BRD4: variants seen among roughly 807,000 people sequenced by gnomAD.
BRD4 encodes bromodomain-containing protein 4.
In BRD4, 16 loss-of-function variants were observed where a neutral mutation model predicts 142.1. That is an observed-to-expected ratio of 0.11 (90% CI 0.08 to 0.17). The LOEUF (loss-of-function observed/expected upper bound fraction) is 0.17, where lower values mean the gene tolerates loss of function less well. Among genes scored for constraint, BRD4 ranks in the 10% least tolerant of loss-of-function variants. The pLI, the probability that BRD4 is intolerant of heterozygous loss-of-function variation, is 1.00. For missense variants in BRD4, 1,424 were observed against 1,810.9 expected (o/e 0.79, Z 3.88); for synonymous variants, 833 against 707.5 (o/e 1.18, Z -2.82).
intron 11 of BRD4, among the ~76,000 whole-genome samples, chr19:15,251,189 C>A (rs954847015): frequency 1.3e-5 from 2 of 152,084 alleles, no homozygotes; most frequent in African/African-American, 4.8e-5. Context: ...CCGTTGCTCC[C>A]TGAACTAGAG....
intron 11 of BRD4, chr19:15,247,487 G>C (rs1012340936): frequency 4.3e-6 from 1 of 233,078 alleles, no homozygotes; most frequent in Non-Finnish European, 8.5e-6. Flanking sequence ...AAGAAGGACA[G>C]GGTCCCTGGA....
At chr19:15,264,173 G>A in intron 6 of BRD4, 1 of 519,504 alleles carries the variant, frequency 1.9e-6, no homozygotes, top group Non-Finnish European at 3.3e-6. Flanking sequence ...CTCAGACTAG[G>A]GGAAGGGGCA....
intron 7 of BRD4, among the ~76,000 whole-genome samples, chr19:15,261,092 C>CTT (rs2047465605): frequency 6.6e-6 from 1 of 152,232 alleles, no homozygotes; most frequent in South Asian, 2.1e-4. Context: ...GCGCCCCTGT[C>CTT]TTCTCAAGAG....
At chr19:15,279,928 C>T (rs371116753) in intron 1 of BRD4, among the ~76,000 whole-genome samples, 29 of 152,170 alleles carry the variant, frequency 1.9e-4, no homozygotes, top group African/African-American at 6.8e-4. Flanking sequence ...GGTAGAAAGA[C>T]GCCAGGGAAG....
chr19:15,238,846 G>A lies in BRD4; in HGVS notation c.3917C>T (p.Ala1306Val), dbSNP rs1472360156. The part of the protein sequence containing the change: ...QQQQQAAAVA[A>V]AATPQAQSSQ... The stretch of plus-strand genomic sequence containing the variant: ...GCTCTGGGCCTGTGGGGTGGCGGCG[G>A]CAGCCACCGCAGCTGCTTGCTGTTG... Residue 1306 changes from alanine (A) to valine (V), a missense_variant, in exon 19 of 20, where the codon GCC becomes GTC. Physicochemically the swap from Ala to Val is moderately conservative, Grantham distance 64 (BLOSUM62 0). Around this residue, in one of 16 missense-constraint regions of BRD4, gnomAD observed 109 missense variants for 117.9 expected, o/e 0.92. Coordinates refer to ENST00000679869, the MANE Select transcript of BRD4 (RefSeq NM_001379291.1). The surrounding 1 kb of genome is among the most constrained non-coding windows in gnomAD (Gnocchi z 7.2). 2 of 1,600,276 alleles carry A rather than the reference G, an allele frequency of 1.2e-6. No individual in the cohort carries two copies. The highest frequency in any genetic ancestry group is 1.7e-6 in the Non-Finnish European group (2 of 1,173,958).
chr19:15,274,048 T>C (rs952072383), intron 1 of BRD4, among the ~76,000 whole-genome samples: 16 of 152,340 alleles, frequency 1.1e-4, no homozygotes, highest in African/African-American at 3.8e-4. Flanking sequence ...AAACGGAGAA[T>C]TTGCTACATA....
chr19:15,302,680 A>G (rs1404641903), intron 1 of BRD4, among the ~76,000 whole-genome samples: 1 of 149,730 alleles, frequency 6.7e-6, no homozygotes, highest in Non-Finnish European at 1.5e-5. Context: ...AAAAAAAAAA[A>G]AAAAAAAAAA....
At chr19:15,328,113 G>C (rs2048125458) in intron 1 of BRD4, among the ~76,000 whole-genome samples, 1 of 152,082 alleles carries the variant, frequency 6.6e-6, no homozygotes, top group African/African-American at 2.4e-5. Flanking sequence ...TTCAATAAAC[G>C]TGGAGGATGA....
intron 1 of BRD4, among the ~76,000 whole-genome samples, chr19:15,284,052 C>G (rs968887693): frequency 6.6e-6 from 1 of 152,124 alleles, no homozygotes; most frequent in Non-Finnish European, 1.5e-5. Context: ...GGTATCAAAG[C>G]CTGGGTATCT....
chr19:15,306,516 C>T (rs2047915303), intron 1 of BRD4, among the ~76,000 whole-genome samples: 1 of 152,106 alleles, frequency 6.6e-6, no homozygotes, highest in Non-Finnish European at 1.5e-5. Flanking sequence ...AGCGATCCTC[C>T]CACCTACGCC....
At chr19:15,310,651 G>A (rs945755245) in intron 1 of BRD4, among the ~76,000 whole-genome samples, 6 of 151,692 alleles carry the variant, frequency 4.0e-5, no homozygotes, top group Admixed American at 2.0e-4. Flanking sequence ...GAGCCACCGC[G>A]CCTGGCCAAT....
chr19:15,324,668 AGT>A (rs2048092676), intron 1 of BRD4, among the ~76,000 whole-genome samples: 1 of 152,254 alleles, frequency 6.6e-6, no homozygotes, highest in Middle Eastern at 3.2e-3. Flanking sequence ...TTGGCCCACC[AGT>A]GCCTTCTGGC....
At chr19:15,301,742 TC>T (rs2047869692) in intron 1 of BRD4, among the ~76,000 whole-genome samples, 1 of 150,612 alleles carries the variant, frequency 6.6e-6, no homozygotes, top group Admixed American at 6.6e-5. Flanking sequence ...GCGCCTGTAG[TC>T]CCAGCTACTC....
intron 1 of BRD4, among the ~76,000 whole-genome samples, chr19:15,285,721 T>C (rs1337657175): frequency 6.6e-6 from 1 of 152,200 alleles, no homozygotes; most frequent in Non-Finnish European, 1.5e-5. Flanking sequence ...CTTTGGCTAA[T>C]TTTTATTACT....
At chr19:15,292,967 C>T (rs7255065) in intron 1 of BRD4, among the ~76,000 whole-genome samples, 25,194 of 151,578 alleles carry the variant, frequency 0.17, 2,184 homozygotes, top group Middle Eastern at 0.2. Flanking sequence ...CTCTTAACTC[C>T]TCTTGGAGTT....
chr19:15,326,151 A>G (rs1392368064), intron 1 of BRD4, among the ~76,000 whole-genome samples: 1 of 143,592 alleles, frequency 7.0e-6, no homozygotes, highest in Non-Finnish European at 1.5e-5. Context: ...ACAATGTAGC[A>G]TTAAAAAAAA....
At chr19:15,285,698 A>G (rs1414532232) in intron 1 of BRD4, among the ~76,000 whole-genome samples, 4 of 152,266 alleles carry the variant, frequency 2.6e-5, no homozygotes, top group Non-Finnish European at 5.9e-5. Flanking sequence ...AGAGATGGCA[A>G]GATAACATAA....
At chr19:15,320,220 T>A (rs931532202) in intron 1 of BRD4, among the ~76,000 whole-genome samples, 1 of 152,134 alleles carries the variant, frequency 6.6e-6, no homozygotes, top group Non-Finnish European at 1.5e-5. Flanking sequence ...AGGAATAATA[T>A]TTCCAACAGT....
chr19:15,325,997 CAA>C (rs35801340), intron 1 of BRD4, among the ~76,000 whole-genome samples: 20 of 50,706 alleles, frequency 3.9e-4, no homozygotes, highest in Non-Finnish European at 4.7e-4. Flanking sequence ...GACTCCGTCT[CAA>C]AAAAAAAAAA....
Sources: gnomAD v4.1 joint callset for allele counts (sites outside exome capture counted in the v4.1 genomes callset) on GRCh38, gnomAD v4.1.1 for gene constraint, gnomAD v4.1.1 regional missense constraint, Gnocchi (gnomAD v3.1) non-coding constraint, MANE v1.5 for transcripts, NCBI Gene and HGNC (gene_info 2026-07-23, HGNC 2026-07-21) for gene names.